NUBPL: variants seen among roughly 807,000 people sequenced by gnomAD.
NUBPL encodes iron-sulfur cluster transfer protein NUBPL.
Under a neutral mutation model 45.7 loss-of-function variants are expected in NUBPL, and 31 were observed. The ratio of observed to expected loss-of-function variants is 0.68; its 90% CI spans 0.51 to 0.92. NUBPL has a LOEUF of 0.92. Among genes scored for constraint, NUBPL ranks in the 40% least tolerant of loss-of-function variants. NUBPL has a pLI of 0.00. For synonymous variants in NUBPL, 144 were observed against 140.9 expected (o/e 1.02, Z -0.15); for missense variants, 401 against 398.7 (o/e 1.01, Z -0.05).
rs559495400 is a variant in NUBPL, at chr14:31,756,415, C to T, written c.514-31365C>T. ...TAGTTCTCCTTGAAGAGGTCCTTCA[C>T]GTCCCTTGTAAGTTGGATTCCTAGG... On this transcript the variant is annotated intron_variant, in intron 6 of 10. Transcript: ENST00000281081. 9.9e-5 allele frequency among the ~76,000 whole-genome samples: 15 copies of T among 152,170 alleles called. No homozygotes were observed. The East Asian group carries it at 2.1e-3, about 22-fold the overall frequency.
chr14:31,812,393 C>G (rs1453053595), intron 7 of NUBPL, among the ~76,000 whole-genome samples: 1 of 152,194 alleles, frequency 6.6e-6, no homozygotes, highest in African/African-American at 2.4e-5. Flanking sequence ...GCAGTTGGAT[C>G]TGGGACTAGC....
rs185818637 is a variant in NUBPL at position 31,666,558 on chromosome 14, C to T, written c.383-6797C>T. On this transcript the variant is annotated intron_variant, in intron 4 of 10. Transcript: ENST00000281081. ...GATTACAGGCATGAGCCACCGTGCC[C>T]GGCCAAGGTTAATATTGTTATGTGT... Among the ~76,000 whole-genome samples the T allele has an allele frequency of 6.5e-3, 987 of 152,128 alleles. 10 individuals are homozygous for T. Among genetic ancestry groups the T allele is most frequent in the African/African-American group, 0.022 (922 of 41,510 alleles).
intron 7 of NUBPL, among the ~76,000 whole-genome samples, chr14:31,792,314 G>T (rs1479403582): frequency 6.6e-6 from 1 of 152,114 alleles, no homozygotes; most frequent in Non-Finnish European, 1.5e-5. Flanking sequence ...TATCTGGATT[G>T]GTGCTTACTA....
intron 4 of NUBPL, among the ~76,000 whole-genome samples, chr14:31,607,987 G>A (rs540384208): frequency 1.3e-3 from 197 of 152,204 alleles, no homozygotes; most frequent in Non-Finnish European, 4.0e-4. Context: ...AATCCTAAAA[G>A]CAGCAAGAGA....
At chr14:31,629,676 G>A (rs780390722) in intron 4 of NUBPL, among the ~76,000 whole-genome samples, 1 of 152,124 alleles carries the variant, frequency 6.6e-6, no homozygotes, top group African/African-American at 2.4e-5. Context: ...CAAGACTGAC[G>A]AATGGGGAGG....
chr14:31,836,286 AAGT>A (rs910820840), intron 8 of NUBPL, among the ~76,000 whole-genome samples: 1 of 152,160 alleles, frequency 6.6e-6, no homozygotes, highest in Non-Finnish European at 1.5e-5. Flanking sequence ...CTTTCAGTAA[AAGT>A]AGCTGAGGTA....
chr14:31,667,338 A>G (rs564960770), intron 4 of NUBPL, among the ~76,000 whole-genome samples: 15 of 151,878 alleles, frequency 9.9e-5, no homozygotes, highest in East Asian at 3.9e-4. Context: ...CGCTTGATCA[A>G]TTCGACTATT....
At chr14:31,593,263 C>T (rs1408277466) in intron 3 of NUBPL, among the ~76,000 whole-genome samples, 1 of 152,062 alleles carries the variant, frequency 6.6e-6, no homozygotes, top group African/African-American at 2.4e-5. Flanking sequence ...CCTGTAATCC[C>T]AGCATTTTGG....
intron 3 of NUBPL, among the ~76,000 whole-genome samples, chr14:31,592,746 C>T (rs913372084): frequency 1.3e-5 from 2 of 152,068 alleles, no homozygotes; most frequent in African/African-American, 4.8e-5. Flanking sequence ...ATCTATATTT[C>T]TGTTTTTCAC....
At chr14:31,755,649 G>A (rs2038643829) in intron 6 of NUBPL, among the ~76,000 whole-genome samples, 1 of 151,736 alleles carries the variant, frequency 6.6e-6, no homozygotes, top group South Asian at 2.1e-4. Flanking sequence ...TTTGTAGGTT[G>A]CCTGTTCACT....
In NUBPL at chr14:31,853,722, G is replaced by A. The variant is rs541907883; in HGVS notation, c.897+3521G>A. 2.0e-5 allele frequency among the ~76,000 whole-genome samples: 3 copies of A among 152,152 alleles called. No individual in the cohort carries two copies. The South Asian group carries it at 6.2e-4, about 32-fold the overall frequency. On this transcript the variant is annotated intron_variant, in intron 10 of 10. Transcript: ENST00000281081. ...TAGTCTGCTGCTTGCTCAGACAATG[G>A]GCAAAACCTTCTGCACATGTACACC...
chr14:31,615,064 G>A (rs1201914591), intron 4 of NUBPL, among the ~76,000 whole-genome samples: 2 of 152,178 alleles, frequency 1.3e-5, no homozygotes, highest in African/African-American at 4.8e-5. Flanking sequence ...CTCATGTGTT[G>A]AGGAATGGAC....
intron 4 of NUBPL, among the ~76,000 whole-genome samples, chr14:31,627,516 C>T (rs528935143): frequency 3.9e-5 from 6 of 152,036 alleles, no homozygotes; most frequent in East Asian, 3.9e-4. Flanking sequence ...CGGTGGCTCA[C>T]GCCTGTAATC....
At chr14:31,581,015 A>G (rs1292562497) in intron 3 of NUBPL, among the ~76,000 whole-genome samples, 4 of 152,176 alleles carry the variant, frequency 2.6e-5, no homozygotes, top group South Asian at 2.1e-4. Context: ...AGAATAGAGT[A>G]TAGGAGAATA....
chr14:31,830,934 T>G (rs1160891507), intron 8 of NUBPL, among the ~76,000 whole-genome samples: 1 of 152,216 alleles, frequency 6.6e-6, no homozygotes, highest in East Asian at 1.9e-4. Flanking sequence ...TTTTTCCTAC[T>G]GGAGAACATT....
At chr14:31,770,474 A>G (rs1185023715) in intron 6 of NUBPL, among the ~76,000 whole-genome samples, 1 of 152,190 alleles carries the variant, frequency 6.6e-6, no homozygotes, top group African/African-American at 2.4e-5. Context: ...CAGAAATGCC[A>G]AAGTCTGAAA....
intron 6 of NUBPL, among the ~76,000 whole-genome samples, chr14:31,712,541 G>A (rs1332700893): frequency 6.6e-6 from 1 of 152,230 alleles, no homozygotes; most frequent in Non-Finnish European, 1.5e-5. Context: ...CGAGCAGAGG[G>A]AGCCAGCTCC....
At chr14:31,669,255 TC>T (rs1276015412) in intron 4 of NUBPL, among the ~76,000 whole-genome samples, 1 of 152,186 alleles carries the variant, frequency 6.6e-6, no homozygotes, top group Non-Finnish European at 1.5e-5. Context: ...CATAATTAAA[TC>T]AGGGTAATGA....
At chr14:31,743,047 T>C (rs7149452) in intron 6 of NUBPL, among the ~76,000 whole-genome samples, 70,449 of 151,930 alleles carry the variant, frequency 0.46, 17,654 homozygotes, top group African/African-American at 0.67. Flanking sequence ...ATTTTATCTT[T>C]TAGCTTTCTT....
Sources: allele counts gnomAD v4.1 joint callset (sites outside exome capture counted in the v4.1 genomes callset), GRCh38; gene constraint gnomAD v4.1.1; transcripts MANE v1.5; gene names NCBI Gene and HGNC (gene_info 2026-07-23, HGNC 2026-07-21).